Variants in LPCAT2 observed in about 807,000 individuals in gnomAD.
LPCAT2 encodes lysophosphatidylcholine acyltransferase 2.
A neutral mutation model predicts 64.7 loss-of-function variants in LPCAT2; 58 were observed. The observed-to-expected ratio is 0.90, with a 90% CI of 0.73 to 1.12. The LOEUF (loss-of-function observed/expected upper bound fraction) is 1.12. Among genes scored for constraint, LPCAT2 ranks in the 50% most tolerant of loss-of-function variants. LPCAT2 has a pLI of 0.00. For synonymous variants in LPCAT2, 252 were observed against 245.3 expected (o/e 1.03, Z -0.26); for missense variants, 579 against 669.8 (o/e 0.86, Z 1.50).
intron 4 of LPCAT2, 88 bp downstream of exon 4, chr16:55,530,035 AAT>A: frequency 1.1e-6 from 1 of 887,910 alleles, no homozygotes; most frequent in Non-Finnish European, 1.7e-6. Context: ...CACAGATAGC[AAT>A]ATCTGTGGAC....
chr16:55,565,343 A>G (rs563876007), intron 11 of LPCAT2, among the ~76,000 whole-genome samples: 10 of 152,196 alleles, frequency 6.6e-5, no homozygotes, highest in Admixed American at 5.9e-4. Context: ...TGATTCAGCA[A>G]TTCCACTTCT....
chr16:55,550,825 C>T, intron 10 of LPCAT2, 124 bp from the exon 11 acceptor site: 1 of 731,496 alleles, frequency 1.4e-6, no homozygotes, highest in Non-Finnish European at 2.1e-6. Context: ...ATTTTATTCT[C>T]CTTTACAAAT....
At chr16:55,582,530 G>A (rs1963898407) in intron 13 of LPCAT2, among the ~76,000 whole-genome samples, 1 of 151,960 alleles carries the variant, frequency 6.6e-6, no homozygotes, top group Non-Finnish European at 1.5e-5. Flanking sequence ...ATGGCCTTAT[G>A]TTCCATGAGT....
At chr16:55,556,159 G>T (rs1963571920) in intron 11 of LPCAT2, among the ~76,000 whole-genome samples, 1 of 152,068 alleles carries the variant, frequency 6.6e-6, no homozygotes, top group Non-Finnish European at 1.5e-5. Flanking sequence ...AAAATTAGAG[G>T]TACCTTTTTA....
Position 55,586,200 on chromosome 16 carries a change from T to C in LPCAT2, c.*3102T>C. 6.6e-6 allele frequency: 1 copy of C among 152,128 alleles called. No homozygotes were observed. The highest frequency in any genetic ancestry group is 1.9e-4 in the East Asian group (1 of 5,184). 9.4% of individuals were successfully genotyped at this position (152,128 alleles called of 1,614,324 possible). Reference sequence around the variant, plus strand: ...AATACATATCACAAACTTTGGTAAATAGGATAGTAATCTGAAGAACTTTTG... The same window carrying C: ...AATACATATCACAAACTTTGGTAAACAGGATAGTAATCTGAAGAACTTTTG... On this transcript the variant is annotated 3_prime_UTR_variant, in exon 14 of 14. Transcript: ENST00000262134.
At chr16:55,537,729 C>T (rs1963341937) in intron 8 of LPCAT2, 97 bp downstream of exon 8, 1 of 975,340 alleles carries the variant, frequency 1.0e-6, no homozygotes, top group African/African-American at 1.7e-5. Flanking sequence ...AGGTCCATCA[C>T]CAGGTGTTTT....
At chr16:55,578,895 A>G (rs1963858448) in intron 12 of LPCAT2, 2 of 500,506 alleles carry the variant, frequency 4.0e-6, no homozygotes, top group East Asian at 3.5e-5. Context: ...CCTTTGTACT[A>G]TGGACCATTG....
chr16:55,541,950 C>T, intron 8 of LPCAT2: 1 of 1,256,524 alleles, frequency 8.0e-7, no homozygotes, highest in South Asian at 1.3e-5. Context: ...AGAACTAGAA[C>T]TGCACATTTG....
chr16:55,540,165 A>G (rs553909771), intron 8 of LPCAT2: 19 of 152,278 alleles, frequency 1.2e-4, no homozygotes, highest in African/African-American at 4.6e-4. Context: ...CTGCTTCCCA[A>G]CATAGAGACA....
intron 7 of LPCAT2, 65 bp downstream of exon 7, chr16:55,534,542 A>G: frequency 5.3e-6 from 4 of 748,180 alleles, no homozygotes; most frequent in Non-Finnish European, 8.7e-6. Context: ...AAGAAAGATC[A>G]TTTATTCATT....
At chr16:55,551,365 T>C (rs1401936378) in intron 11 of LPCAT2, 1 of 163,068 alleles carries the variant, frequency 6.1e-6, no homozygotes, top group Non-Finnish European at 1.3e-5. Context: ...TATTTTAGTG[T>C]AATATGATAT....
rs372992855 is a variant in LPCAT2, at chr16:55,576,109, G to A, written c.1314+1380G>A. On this transcript the variant is annotated intron_variant, in intron 12 of 13. Transcript: ENST00000262134. ...CAGTAATTACGATTTGAAAGAAGCTGTGAGATTTTTGTCTAGCCTAGACCT... is the reference window on the plus strand; with the variant it reads ...CAGTAATTACGATTTGAAAGAAGCTATGAGATTTTTGTCTAGCCTAGACCT... Among the ~76,000 whole-genome samples, 20 of 151,652 alleles carry A rather than the reference G, an allele frequency of 1.3e-4. 1 individual carries two copies. Among genetic ancestry groups the A allele is most frequent in the African/African-American group, 3.9e-4 (16 of 41,274 alleles).
chr16:55,566,922 T>C lies in LPCAT2; in HGVS notation c.1216-7709T>C, dbSNP rs1170446454. On this transcript the variant is annotated intron_variant, in intron 11 of 13. Coordinates refer to ENST00000262134, the MANE Select transcript of LPCAT2 (RefSeq NM_017839.5). ...TATCAGTGAGGCTGCAGCAGCTCAGTATACTCCAGAACCGCCTCCCACTCA... is the reference window on the plus strand; with the variant it reads ...TATCAGTGAGGCTGCAGCAGCTCAGCATACTCCAGAACCGCCTCCCACTCA... The C allele has an allele frequency of 1.9e-6, 3 of 1,613,812 alleles. No homozygotes were observed. The South Asian group carries it at 3.3e-5, about 18-fold the overall frequency.
intron 9 of LPCAT2, 31 bp from the exon 10 acceptor site, chr16:55,549,246 T>G: frequency 6.7e-7 from 1 of 1,500,016 alleles, no homozygotes; most frequent in Non-Finnish European, 8.9e-7. Flanking sequence ...TTAAAAAAAA[T>G]GAATTTTAGT....
At chr16:55,579,285 G>T in intron 13 of LPCAT2, 41 bp downstream of exon 13, 1 of 1,600,422 alleles carries the variant, frequency 6.2e-7, no homozygotes, top group Admixed American at 1.7e-5. Context: ...TTTACAAGGA[G>T]GACATCCAGA....
At chr16:55,568,637 A>G (rs1963735156) in intron 11 of LPCAT2, among the ~76,000 whole-genome samples, 1 of 152,118 alleles carries the variant, frequency 6.6e-6, no homozygotes, top group African/African-American at 2.4e-5. Flanking sequence ...AAGCTCCCCA[A>G]GTGATTCTAA....
intron 8 of LPCAT2, 71 bp downstream of exon 8, chr16:55,537,703 G>T: frequency 1.6e-6 from 2 of 1,270,250 alleles, no homozygotes; most frequent in South Asian, 2.5e-5. Flanking sequence ...CTCTAGTCTA[G>T]AGAGACCAGA....
At chr16:55,534,845 G>A (rs1243937334) in intron 7 of LPCAT2, among the ~76,000 whole-genome samples, 1 of 152,120 alleles carries the variant, frequency 6.6e-6, no homozygotes, top group African/African-American at 2.4e-5. Context: ...TACTTACTAT[G>A]TTGGTTTAAG....
At chr16:55,561,218 T>C (rs1963632266) in intron 11 of LPCAT2, among the ~76,000 whole-genome samples, 1 of 152,068 alleles carries the variant, frequency 6.6e-6, no homozygotes, top group Non-Finnish European at 1.5e-5. Flanking sequence ...ATTTGCCAGT[T>C]GGTAAACATT....
Sources: gnomAD v4.1 joint callset for allele counts (sites outside exome capture counted in the v4.1 genomes callset) on GRCh38, gnomAD v4.1.1 for gene constraint, MANE v1.5 for transcripts, NCBI Gene and HGNC (gene_info 2026-07-23, HGNC 2026-07-21) for gene names.